GREB1L: variants seen among roughly 807,000 people sequenced by gnomAD.
GREB1L encodes the protein GREB1-like protein.
Under a neutral mutation model 200.8 loss-of-function variants are expected in GREB1L, and 17 were observed. The observed-to-expected ratio is 0.08, with a 90% CI of 0.06 to 0.13. The LOEUF (loss-of-function observed/expected upper bound fraction) is 0.13, where lower values mean the gene tolerates loss of function less well. GREB1L is among the 10% of genes least tolerant of loss of function. The pLI is 1.00. For missense variants in GREB1L, 1,657 were observed against 2,367.7 expected, an observed-to-expected ratio of 0.70 and a Z score of 6.23; for synonymous variants, 789 against 893.0, an observed-to-expected ratio of 0.88 and a Z score of 2.08.
intron 18 of GREB1L, among the ~76,000 whole-genome samples, chr18:21,488,744 C>G (rs1309811040): frequency 6.6e-6 from 1 of 152,178 alleles, no homozygotes; most frequent in East Asian, 1.9e-4. Context: ...GTAACCTCCA[C>G]CTCCCAGGTT....
intron 1 of GREB1L, among the ~76,000 whole-genome samples, chr18:21,351,928 A>T (rs1404397336): frequency 6.6e-6 from 1 of 152,032 alleles, no homozygotes; most frequent in Non-Finnish European, 1.5e-5. Context: ...GCTCACTGCA[A>T]GCTCCGCCTC....
chr18:21,477,107 G>C, intron 16 of GREB1L, 57 bp from the exon 17 acceptor site: 2 of 1,174,552 alleles, frequency 1.7e-6, no homozygotes, highest in Non-Finnish European at 2.4e-6. Context: ...GTTAGTGTCT[G>C]ATTCTATATC....
rs150774934 is a variant in GREB1L, at chr18:21,436,489, C to G, written c.833-3032C>G. Among the ~76,000 whole-genome samples the G allele has an allele frequency of 7.2e-5, 11 of 152,056 alleles. No homozygotes were observed. In the East Asian group the frequency reaches 2.0e-3, roughly 27 times the overall value. On this transcript the variant is annotated intron_variant, in intron 7 of 32. Coordinates refer to ENST00000424526, the MANE Select transcript of GREB1L (RefSeq NM_001142966.3). ...TCTCTACAAAAGATAAAAAAATTAG[C>G]TGGGTGTGGTTATGTGCACCTGTGG...
intron 1 of GREB1L, among the ~76,000 whole-genome samples, chr18:21,261,163 A>G (rs1487179518): frequency 6.6e-6 from 1 of 152,010 alleles, no homozygotes; most frequent in African/African-American, 2.4e-5. Flanking sequence ...TACTATGTAA[A>G]TATTTAGACT....
intron 1 of GREB1L, among the ~76,000 whole-genome samples, chr18:21,337,279 C>A (rs1186413490): frequency 5.3e-5 from 8 of 151,650 alleles, no homozygotes; most frequent in Admixed American, 4.6e-4. Context: ...TTTTGGGATT[C>A]TTTTGCTGTT....
chr18:21,338,837 A>G (rs1284019023), intron 1 of GREB1L, among the ~76,000 whole-genome samples: 3 of 152,248 alleles, frequency 2.0e-5, no homozygotes, highest in Non-Finnish European at 4.4e-5. Context: ...AAGGTTATAA[A>G]GGAGAGTGAG....
intron 1 of GREB1L, among the ~76,000 whole-genome samples, chr18:21,277,889 C>T (rs960907447): frequency 2.0e-5 from 3 of 152,062 alleles, no homozygotes; most frequent in East Asian, 1.9e-4. Context: ...ATTGAGTCTG[C>T]TCAATGAATG....
At chr18:21,276,061 G>A (rs565463072) in intron 1 of GREB1L, among the ~76,000 whole-genome samples, 1 of 152,246 alleles carries the variant, frequency 6.6e-6, no homozygotes, top group Non-Finnish European at 1.5e-5. Context: ...GGGCTCTTGA[G>A]GTTCCTTCCT....
At chr18:21,496,336 C>A in intron 20 of GREB1L, 118 bp from the exon 21 acceptor site, 3 of 1,102,834 alleles carry the variant, frequency 2.7e-6, no homozygotes, top group Non-Finnish European at 2.6e-6. Flanking sequence ...TCAAGGCTCA[C>A]CTGGCACTGA....
At chr18:21,498,042 G>T (rs533069196) in intron 21 of GREB1L, among the ~76,000 whole-genome samples, 2 of 151,778 alleles carry the variant, frequency 1.3e-5, no homozygotes, top group African/African-American at 2.4e-5. Flanking sequence ...GGCTGGTCTC[G>T]ATCCCATGAC....
At chr18:21,510,495 C>A (rs535954828) in intron 27 of GREB1L, among the ~76,000 whole-genome samples, 5 of 152,190 alleles carry the variant, frequency 3.3e-5, no homozygotes, top group Admixed American at 2.0e-4. Context: ...CAAGGTTCAT[C>A]CATGTTGTAG....
At position 21,505,436 on chromosome 18, in the gene GREB1L, G is replaced by A. The variant is rs1018646723; in HGVS notation, c.4097G>A (p.Ser1366Asn). The change falls in exon 24 of 33, where the codon AGC becomes AAC. Residue 1366 changes from serine to asparagine, a missense_variant. Physicochemically the swap from Ser to Asn is conservative, Grantham distance 46 (BLOSUM62 1). Coordinates refer to ENST00000424526, the MANE Select transcript of GREB1L (RefSeq NM_001142966.3). ...GATCACAATGAAAGCAGTGAAGTGA[G>A]CCAGTCAGAGGGAGAGCCCTGGCCT... is the stretch of plus-strand genomic sequence containing the variant. ...NTDHNESSEV[S>N]QSEGEPWPDI... is the part of the protein sequence containing the mutation. 48 of 1,551,340 alleles carry A rather than the reference G, an allele frequency of 3.1e-5. No individual in the cohort carries two copies. The highest frequency in any genetic ancestry group is 2.7e-4 in the Admixed American group (14 of 50,970).
At chr18:21,328,653 T>C (rs2039061024) in intron 1 of GREB1L, among the ~76,000 whole-genome samples, 1 of 152,166 alleles carries the variant, frequency 6.6e-6, no homozygotes, top group Non-Finnish European at 1.5e-5. Flanking sequence ...ATGCATCTGA[T>C]ACGTGCATGT....
chr18:21,277,193 G>A (rs1026053276), intron 1 of GREB1L, among the ~76,000 whole-genome samples: 2 of 152,010 alleles, frequency 1.3e-5, no homozygotes, highest in South Asian at 2.1e-4. Context: ...CTCCCAAAGC[G>A]CTGGGATTAC....
intron 1 of GREB1L, among the ~76,000 whole-genome samples, chr18:21,365,686 A>C (rs2039662171): frequency 6.6e-6 from 1 of 152,194 alleles, no homozygotes; most frequent in Admixed American, 6.5e-5. Context: ...CATTCCTAAA[A>C]GTAGTCTGTT....
chr18:21,488,248 AT>A (rs1298436333), intron 18 of GREB1L, among the ~76,000 whole-genome samples: 1 of 152,176 alleles, frequency 6.6e-6, no homozygotes, highest in Non-Finnish European at 1.5e-5. Context: ...GTGAGCCAAG[AT>A]TGCACTACTG....
At position 21,508,807 on chromosome 18, in the gene GREB1L, A is replaced by T. The variant is rs539582377; in HGVS notation, c.4735+216A>T. 3.5e-5 allele frequency: 20 copies of T among 572,566 alleles called. No homozygotes were observed. In the East Asian group the frequency reaches 6.0e-4, roughly 17 times the overall value. 35.5% of individuals were successfully genotyped at this position (572,566 alleles called of 1,614,324 possible). A position where few individuals can be genotyped will look rare whatever the true frequency, so the allele number is the denominator to read the frequency against. ...CACTTTTGCAGAATTAACTCTGAGG[A>T]CTGGTAATTAAGGAAGAAGTCACTG... On this transcript the variant is annotated intron_variant, in intron 27 of 32. Coordinates refer to ENST00000424526, the MANE Select transcript of GREB1L (RefSeq NM_001142966.3).
At chr18:21,335,654 ATTTC>A (rs1484764428) in intron 1 of GREB1L, among the ~76,000 whole-genome samples, 2 of 148,408 alleles carry the variant, frequency 1.3e-5, no homozygotes, top group Non-Finnish European at 3.0e-5. Flanking sequence ...TGTGTTTTGC[ATTTC>A]TTTTTTTCTT....
chr18:21,412,051 CAAAAAAAAAA>C (rs962603456), intron 7 of GREB1L, among the ~76,000 whole-genome samples: 172 of 30,502 alleles, frequency 5.6e-3, no homozygotes, highest in Admixed American at 0.013. Flanking sequence ...GACTCCGTCT[CAAAAAAAAAA>C]AAAAAAAAAA....
Sources: allele counts gnomAD v4.1 joint callset (sites outside exome capture counted in the v4.1 genomes callset), GRCh38; gene constraint gnomAD v4.1.1; transcripts MANE v1.5; gene names NCBI Gene and HGNC (gene_info 2026-07-23, HGNC 2026-07-21).